ANKS1B: variants seen among roughly 807,000 people sequenced by gnomAD.
ANKS1B encodes ankyrin repeat and sterile alpha motif domain-containing protein 1B.
In ANKS1B, 36 loss-of-function variants were observed where a neutral mutation model predicts 148.3. The ratio of observed to expected loss-of-function variants is 0.24; its 90% CI spans 0.19 to 0.32. The LOEUF (loss-of-function observed/expected upper bound fraction) is 0.32, where lower values mean the gene tolerates loss of function less well. Ranked by LOEUF, ANKS1B falls within the 10% of genes least tolerant of loss-of-function variation. The pLI, the probability that ANKS1B is intolerant of heterozygous loss-of-function variation, is 1.00. For missense variants in ANKS1B, 1,157 were observed against 1,542.6 expected, an observed-to-expected ratio of 0.75 and a Z score of 4.19; for synonymous variants, 542 against 560.8, an observed-to-expected ratio of 0.97 and a Z score of 0.47.
At chr12:99,474,375 T>C (rs1048960792) in intron 10 of ANKS1B, among the ~76,000 whole-genome samples, 1 of 152,110 alleles carries the variant, frequency 6.6e-6, no homozygotes, top group African/African-American at 2.4e-5. Context: ...AATTAGTACT[T>C]TTCCCAGAAA....
intron 1 of ANKS1B, among the ~76,000 whole-genome samples, chr12:99,950,113 A>ATTTTTTTT (rs35287842): frequency 6.6e-5 from 6 of 90,550 alleles, no homozygotes; most frequent in African/African-American, 2.5e-4. Flanking sequence ...TGCTCAGTTA[A>ATTTTTTTT]TTTTTTTTTT....
At chr12:99,819,967 AGAG>A (rs967026153) in intron 2 of ANKS1B, among the ~76,000 whole-genome samples, 80 of 151,880 alleles carry the variant, frequency 5.3e-4, no homozygotes, top group African/African-American at 1.9e-3. Flanking sequence ...ATTGCTTTTC[AGAG>A]GAGAATTAAG....
At chr12:99,410,856 T>C (rs1012411795) in intron 11 of ANKS1B, among the ~76,000 whole-genome samples, 29 of 152,304 alleles carry the variant, frequency 1.9e-4, no homozygotes, top group Middle Eastern at 3.4e-3. Flanking sequence ...CTAGATCTGT[T>C]ATGGTGTTCT....
At chr12:98,895,383 C>T in intron 17 of ANKS1B, 1 of 901,832 alleles carries the variant, frequency 1.1e-6, no homozygotes, top group African/African-American at 1.8e-5. Flanking sequence ...CCCAGGTGAC[C>T]GGCTCGGCAG....
At chr12:99,378,515 C>T (rs369085884) in intron 12 of ANKS1B, among the ~76,000 whole-genome samples, 1 of 151,728 alleles carries the variant, frequency 6.6e-6, no homozygotes, top group Non-Finnish European at 1.5e-5. Context: ...ATTAGCTGGG[C>T]GTGGTGACAT....
intron 1 of ANKS1B, among the ~76,000 whole-genome samples, chr12:99,869,401 C>T (rs979311721): frequency 2.0e-5 from 3 of 151,690 alleles, no homozygotes; most frequent in Non-Finnish European, 4.4e-5. Flanking sequence ...GGGCTGGGCA[C>T]GGTGGCTCAC....
At chr12:99,644,276 T>C (rs916168829) in intron 9 of ANKS1B, among the ~76,000 whole-genome samples, 2 of 152,210 alleles carry the variant, frequency 1.3e-5, no homozygotes, top group African/African-American at 4.8e-5. Flanking sequence ...TGAGTCCTTA[T>C]CAGAAGCACC....
At chr12:99,481,084 T>C (rs11109863) in intron 10 of ANKS1B, among the ~76,000 whole-genome samples, 7,210 of 151,816 alleles carry the variant, frequency 0.047, 584 homozygotes, top group African/African-American at 0.17. Flanking sequence ...GTTACACGCA[T>C]GAATTATATA....
intron 25 of ANKS1B, among the ~76,000 whole-genome samples, chr12:98,759,672 T>C (rs747046982): frequency 6.6e-6 from 1 of 152,212 alleles, no homozygotes; most frequent in Non-Finnish European, 1.5e-5. Context: ...AAATATTCAT[T>C]AAAGTGTTTA....
chr12:99,144,194 T>C (rs974209193), intron 15 of ANKS1B, among the ~76,000 whole-genome samples: 1 of 152,164 alleles, frequency 6.6e-6, no homozygotes, highest in East Asian at 1.9e-4. Flanking sequence ...AGTGCTTCTA[T>C]CAGGTAGTTA....
At chr12:99,421,109 A>G (rs2095066526) in intron 11 of ANKS1B, among the ~76,000 whole-genome samples, 1 of 152,222 alleles carries the variant, frequency 6.6e-6, no homozygotes, top group Non-Finnish European at 1.5e-5. Flanking sequence ...TAAGGCCTAA[A>G]TTAGTAAAGG....
At chr12:99,158,654 C>T (rs1382022302) in intron 14 of ANKS1B, among the ~76,000 whole-genome samples, 1 of 152,036 alleles carries the variant, frequency 6.6e-6, no homozygotes, top group African/African-American at 2.4e-5. Context: ...TGCAAAGTGT[C>T]CTAAGAGCAT....
At chr12:99,757,848 C>T (rs1444788085) in intron 8 of ANKS1B, among the ~76,000 whole-genome samples, 3 of 151,910 alleles carry the variant, frequency 2.0e-5, no homozygotes, top group Non-Finnish European at 2.9e-5. Context: ...AACAGAAAAC[C>T]AAATACCACA....
At chr12:99,174,604 A>T (rs1054090220) in intron 14 of ANKS1B, among the ~76,000 whole-genome samples, 4 of 152,110 alleles carry the variant, frequency 2.6e-5, no homozygotes, top group Non-Finnish European at 5.9e-5. Flanking sequence ...TCTTGGTGGT[A>T]TTGGAAGTCT....
At chr12:98,962,155 A>C (rs1418759085) in intron 17 of ANKS1B, among the ~76,000 whole-genome samples, 3 of 151,772 alleles carry the variant, frequency 2.0e-5, no homozygotes, top group Non-Finnish European at 4.4e-5. Flanking sequence ...AAAAAAAAAA[A>C]ACAAGATTCA....
intron 15 of ANKS1B, among the ~76,000 whole-genome samples, chr12:99,121,484 T>C (rs1298952459): frequency 2.0e-5 from 3 of 152,172 alleles, no homozygotes; most frequent in Non-Finnish European, 2.9e-5. Flanking sequence ...TCAAACACTT[T>C]TGAGTATTTA....
chr12:99,165,015 G>T (rs2077061617), intron 14 of ANKS1B, among the ~76,000 whole-genome samples: 1 of 151,874 alleles, frequency 6.6e-6, no homozygotes, highest in East Asian at 1.9e-4. Context: ...CATATATTCA[G>T]AAAATATTTT....
chr12:99,114,676 T>C (rs2060963940), intron 15 of ANKS1B, among the ~76,000 whole-genome samples: 1 of 151,796 alleles, frequency 6.6e-6, no homozygotes, highest in Non-Finnish European at 1.5e-5. Context: ...TGCTTGAACC[T>C]GGGAGATGGA....
intron 10 of ANKS1B, among the ~76,000 whole-genome samples, chr12:99,445,424 T>C (rs1450891676): frequency 6.6e-6 from 1 of 152,014 alleles, no homozygotes; most frequent in Non-Finnish European, 1.5e-5. Context: ...AACAGTATAA[T>C]GGTGAGTATA....
Sources: gnomAD v4.1 joint callset for allele counts (sites outside exome capture counted in the v4.1 genomes callset) on GRCh38, gnomAD v4.1.1 for gene constraint, MANE v1.5 for transcripts, NCBI Gene and HGNC (gene_info 2026-07-23, HGNC 2026-07-21) for gene names.